The following SLC38A4 variants were observed in gnomAD, a reference collection of about 807,000 sequenced individuals.
SLC38A4 encodes sodium-coupled neutral amino acid transporter 4.
Under a neutral mutation model 63.1 loss-of-function variants are expected in SLC38A4, and 20 were observed. The ratio of observed to expected loss-of-function variants is 0.32; its 90% CI spans 0.22 to 0.46. The LOEUF is 0.46. Among genes scored for constraint, SLC38A4 ranks in the 20% least tolerant of loss-of-function variants. SLC38A4 has a pLI of 1.00. For missense variants in SLC38A4, 526 were observed against 663.6 expected (o/e 0.79, Z 2.28); for synonymous variants, 230 against 225.5 (o/e 1.02, Z -0.18).
At chr12:46,786,096 CAT>C (rs1938756018) in intron 5 of SLC38A4, among the ~76,000 whole-genome samples, 1 of 151,960 alleles carries the variant, frequency 6.6e-6, no homozygotes, top group Non-Finnish European at 1.5e-5. Context: ...TCTTATTTTC[CAT>C]AGAGTATGTT....
chr12:46,809,294 A>G (rs990995734), intron 1 of SLC38A4, among the ~76,000 whole-genome samples: 1 of 152,092 alleles, frequency 6.6e-6, no homozygotes, highest in African/African-American at 2.4e-5. Context: ...TATCCTATCC[A>G]GAATGTTAGA....
Position 46,768,340 on chromosome 12 carries a change from T to A in SLC38A4, c.1512A>T (p.Lys504Asn). 1 of 1,611,550 alleles carries A rather than the reference T, an allele frequency of 6.2e-7. No homozygotes were observed. The highest frequency in any genetic ancestry group is 2.2e-5 in the East Asian group (1 of 44,772). Residue 504 changes from lysine to asparagine, a missense_variant, in exon 16 of 17, where the codon AAA becomes AAT. Transcript: ENST00000266579. ...CCTTTTGGGGTGACCTAAAAGTTTCTTTCTTGACAAGTTTAAGATAAAAAA... is the reference window on the plus strand; with the variant it reads ...CCTTTTGGGGTGACCTAAAAGTTTCATTCTTGACAAGTTTAAGATAAAAAA... ...PAVFYLKLVK[K>N]ETFRSPQKVG...
chr12:46,794,196 GA>G (rs1938953577), intron 2 of SLC38A4, among the ~76,000 whole-genome samples: 2 of 152,004 alleles, frequency 1.3e-5, no homozygotes, highest in Admixed American at 1.3e-4. Flanking sequence ...CTGACAAACA[GA>G]AACTACCACA....
intron 5 of SLC38A4, 115 bp from the exon 6 acceptor site, chr12:46,785,292 G>A (rs894112489): frequency 3.9e-5 from 32 of 822,722 alleles, no homozygotes; most frequent in Non-Finnish European, 6.0e-5. Flanking sequence ...CTTTCCAAAA[G>A]TATGTGGATT....
intron 2 of SLC38A4, among the ~76,000 whole-genome samples, chr12:46,794,550 A>C (rs922983700): frequency 1.3e-5 from 2 of 151,824 alleles, no homozygotes; most frequent in Non-Finnish European, 2.9e-5. Flanking sequence ...GAATTCTTAA[A>C]AAAAAGAAAA....
At chr12:46,770,278 G>A (rs1339040524) in intron 14 of SLC38A4, among the ~76,000 whole-genome samples, 1 of 151,318 alleles carries the variant, frequency 6.6e-6, no homozygotes, top group African/African-American at 2.4e-5. Context: ...ATTTTGCATG[G>A]TATTTAACAT....
At chr12:46,820,132 A>C (rs1375045277) in intron 1 of SLC38A4, among the ~76,000 whole-genome samples, 1 of 151,900 alleles carries the variant, frequency 6.6e-6, no homozygotes, top group Non-Finnish European at 1.5e-5. Flanking sequence ...GGTCAATGTA[A>C]TAGATATATC....
At chr12:46,819,940 G>C (rs532532491) in intron 1 of SLC38A4, among the ~76,000 whole-genome samples, 1 of 151,948 alleles carries the variant, frequency 6.6e-6, no homozygotes, top group South Asian at 2.1e-4. Context: ...TGATGACTCC[G>C]AGGCACTCTG....
intron 1 of SLC38A4, among the ~76,000 whole-genome samples, chr12:46,817,115 A>G (rs192275213): frequency 2.3e-4 from 35 of 151,980 alleles, no homozygotes; most frequent in African/African-American, 8.2e-4. Context: ...TAAAAGTAAA[A>G]AAAAATCACC....
At chr12:46,816,252 G>A (rs1328799934) in intron 1 of SLC38A4, among the ~76,000 whole-genome samples, 4 of 151,782 alleles carry the variant, frequency 2.6e-5, no homozygotes, top group African/African-American at 9.7e-5. Context: ...AAATTTCTAA[G>A]TTACTTATTA....
chr12:46,819,893 C>G (rs1939507011), intron 1 of SLC38A4, among the ~76,000 whole-genome samples: 1 of 151,868 alleles, frequency 6.6e-6, no homozygotes, highest in African/African-American at 2.4e-5. Context: ...AATTAACTAG[C>G]ACTCTTGAGT....
chr12:46,792,909 C>T (rs763411414), intron 3 of SLC38A4, 44 bp downstream of exon 3: 23 of 1,405,766 alleles, frequency 1.6e-5, no homozygotes, highest in Non-Finnish European at 2.1e-5. Flanking sequence ...TGTCCACATC[C>T]TGTCTTATTT....
intron 15 of SLC38A4, 26 bp downstream of exon 15, chr12:46,769,258 C>A (rs774232681): frequency 2.5e-6 from 4 of 1,611,784 alleles, no homozygotes; most frequent in Admixed American, 1.7e-5. Context: ...TTGGGTTGAC[C>A]AAATTGAAGC....
intron 1 of SLC38A4, among the ~76,000 whole-genome samples, 168 bp downstream of exon 1, chr12:46,825,735 T>C (rs767382445): frequency 6.6e-6 from 1 of 152,120 alleles, no homozygotes; most frequent in Non-Finnish European, 1.5e-5. Context: ...CACGAAACGC[T>C]TCTTAAAAGC....
rs748591086 is a variant in SLC38A4 at position 46,778,348 on chromosome 12, G to A, written c.1014C>T (p.Ile338=). The A allele has an allele frequency of 2.5e-6, 4 of 1,612,680 alleles. No homozygotes were observed. Among genetic ancestry groups the A allele is most frequent in the Non-Finnish European group, 3.4e-6 (4 of 1,179,184 alleles). Residue 338 remains isoleucine, a synonymous_variant, in exon 12 of 17, where the codon ATC becomes ATT. Coordinates refer to ENST00000266579, the MANE Select transcript of SLC38A4 (RefSeq NM_018018.5). ...FNSRTAYAIP[I]LVFAFVCHPE... ...GGTGGCATACAAAAGCAAATACTAG[G>A]ATAGGAATTGCATAGGCCGTCTGAA...
chr12:46,771,653 A>G (rs185297084), intron 14 of SLC38A4, among the ~76,000 whole-genome samples: 1 of 152,198 alleles, frequency 6.6e-6, no homozygotes, highest in East Asian at 1.9e-4. Flanking sequence ...TCCTGAAGAG[A>G]GCAACAGAGC....
At chr12:46,785,774 T>C (rs180433) in intron 5 of SLC38A4, among the ~76,000 whole-genome samples, 35,818 of 136,138 alleles carry the variant, frequency 0.26, 5,755 homozygotes, top group Non-Finnish European at 0.37. Context: ...CATTCAGAGT[T>C]ATTTCTGGTG....
chr12:46,821,916 G>A (rs1052807614), intron 1 of SLC38A4, among the ~76,000 whole-genome samples: 4 of 151,416 alleles, frequency 2.6e-5, no homozygotes, highest in African/African-American at 4.9e-5. Flanking sequence ...CTTTAATTAC[G>A]TTCATTCCTT....
At chr12:46,831,788 A>G (rs1337587363) in intron 1 of SLC38A4, among the ~76,000 whole-genome samples, 1 of 150,078 alleles carries the variant, frequency 6.7e-6, no homozygotes, top group Non-Finnish European at 1.5e-5. Flanking sequence ...GACTCGGGTA[A>G]CACCTTGCCA....
Sources: gnomAD v4.1 joint callset for allele counts (sites outside exome capture counted in the v4.1 genomes callset) on GRCh38, gnomAD v4.1.1 for gene constraint, MANE v1.5 for transcripts, NCBI Gene and HGNC (gene_info 2026-07-23, HGNC 2026-07-21) for gene names.